Variants in ROBO2 observed in about 807,000 individuals in gnomAD.
ROBO2 encodes the protein roundabout homolog 2.
In ROBO2, 53 loss-of-function variants were observed where a neutral mutation model predicts 160.8. The ratio of observed to expected loss-of-function variants is 0.33; its 90% CI spans 0.26 to 0.41. ROBO2 has a LOEUF of 0.41. ROBO2 is among the 10% of genes least tolerant of loss of function. ROBO2 has a pLI of 1.00. For missense variants in ROBO2, 1,577 were observed against 1,722.4 expected (o/e 0.92, Z 1.49); for synonymous variants, 664 against 611.7 (o/e 1.09, Z -1.26).
chr3:77,088,984 A>G (rs2069740146), intron 1 of ROBO2, among the ~76,000 whole-genome samples: 1 of 152,188 alleles, frequency 6.6e-6, no homozygotes, highest in African/African-American at 2.4e-5. Flanking sequence ...TGATCATGCT[A>G]CAGAACAATG....
intron 2 of ROBO2, among the ~76,000 whole-genome samples, chr3:76,219,603 C>A (rs888324663): frequency 1.2e-4 from 18 of 152,124 alleles, no homozygotes; most frequent in Non-Finnish European, 2.5e-4. Context: ...CCATCAGAGA[C>A]ATGCAAATCA....
chr3:76,842,439 T>C (rs2148478635), intron 2 of ROBO2, among the ~76,000 whole-genome samples: 1 of 152,324 alleles, frequency 6.6e-6, no homozygotes, highest in East Asian at 1.9e-4. Flanking sequence ...ACCACTGTAG[T>C]GGAAAGACCA....
chr3:76,136,225 C>T (rs1293932435), intron 2 of ROBO2, among the ~76,000 whole-genome samples: 2 of 152,116 alleles, frequency 1.3e-5, no homozygotes, highest in African/African-American at 4.8e-5. Context: ...CATTCAAATA[C>T]TAGCTTCTCA....
chr3:77,252,818 A>AG (rs1295409285), intron 2 of ROBO2, among the ~76,000 whole-genome samples: 90 of 81,724 alleles, frequency 1.1e-3, no homozygotes, highest in Middle Eastern at 5.9e-3. Flanking sequence ...AAAAAAAAAA[A>AG]AAAAAAAAAA....
intron 2 of ROBO2, among the ~76,000 whole-genome samples, chr3:76,152,482 A>G (rs2072249129): frequency 6.6e-6 from 1 of 152,178 alleles, no homozygotes; most frequent in South Asian, 2.1e-4. Context: ...TTTTGTGAGT[A>G]TACATTTATT....
intron 2 of ROBO2, among the ~76,000 whole-genome samples, chr3:76,372,226 G>T (rs1427291349): frequency 1.3e-5 from 2 of 151,792 alleles, no homozygotes; most frequent in African/African-American, 2.4e-5. Context: ...TTGCATTAAA[G>T]AATCTTTATG....
At chr3:77,621,648 A>G (rs1418513303) in intron 22 of ROBO2, among the ~76,000 whole-genome samples, 5 of 152,126 alleles carry the variant, frequency 3.3e-5, no homozygotes, top group Non-Finnish European at 7.4e-5. Flanking sequence ...CTAGAGCACA[A>G]ATTAGTTGTG....
chr3:76,526,780 C>T (rs984148094), intron 2 of ROBO2, among the ~76,000 whole-genome samples: 1 of 151,944 alleles, frequency 6.6e-6, no homozygotes, highest in African/African-American at 2.4e-5. Context: ...TGATTAATGT[C>T]CTACATAAAT....
chr3:76,339,784 G>T (rs1366031891), intron 2 of ROBO2, among the ~76,000 whole-genome samples: 1 of 151,914 alleles, frequency 6.6e-6, no homozygotes, highest in Non-Finnish European at 1.5e-5. Context: ...GGTGTATATT[G>T]TTATTAATCG....
chr3:77,628,040 G>A (rs994805973), intron 23 of ROBO2, among the ~76,000 whole-genome samples: 9 of 152,142 alleles, frequency 5.9e-5, no homozygotes, highest in African/African-American at 2.2e-4. Context: ...AGTAACATCT[G>A]AGCAACAACT....
intron 14 of ROBO2, among the ~76,000 whole-genome samples, chr3:77,576,517 T>C (rs147400641): frequency 4.6e-5 from 7 of 152,232 alleles, no homozygotes; most frequent in Admixed American, 4.6e-4. Context: ...CCACCTTTGA[T>C]TTTAATTCAG....
intron 2 of ROBO2, among the ~76,000 whole-genome samples, chr3:75,983,210 T>C (rs1475016154): frequency 1.3e-5 from 2 of 151,442 alleles, no homozygotes; most frequent in Non-Finnish European, 3.0e-5. Context: ...TGACCTTGAG[T>C]CAAAAGCTTT....
chr3:76,602,838 G>A (rs1417006375), intron 2 of ROBO2, among the ~76,000 whole-genome samples: 1 of 152,138 alleles, frequency 6.6e-6, no homozygotes, highest in Admixed American at 6.5e-5. Context: ...GATTTGGGTG[G>A]GGACACAGCC....
At chr3:76,026,240 A>G (rs1187204682) in intron 2 of ROBO2, among the ~76,000 whole-genome samples, 1 of 151,886 alleles carries the variant, frequency 6.6e-6, no homozygotes, top group Non-Finnish European at 1.5e-5. Flanking sequence ...GGCTTATACA[A>G]TATTACTTTC....
chr3:77,056,308 G>A (rs559657669), intron 1 of ROBO2, among the ~76,000 whole-genome samples: 1 of 152,256 alleles, frequency 6.6e-6, no homozygotes, highest in East Asian at 1.9e-4. Flanking sequence ...TGTTAAGGGA[G>A]GCAGTATTTA....
intron 1 of ROBO2, among the ~76,000 whole-genome samples, chr3:77,088,169 G>T (rs968269249): frequency 6.6e-6 from 1 of 152,062 alleles, no homozygotes; most frequent in African/African-American, 2.4e-5. Flanking sequence ...AGGGGAAAAA[G>T]TGTTCTAATT....
chr3:76,457,013 C>T (rs1399783409), intron 2 of ROBO2, among the ~76,000 whole-genome samples: 2 of 152,140 alleles, frequency 1.3e-5, no homozygotes, highest in Non-Finnish European at 2.9e-5. Context: ...CTGGGACATA[C>T]AATTCAAGAT....
intron 2 of ROBO2, among the ~76,000 whole-genome samples, chr3:77,336,282 A>G (rs1163162101): frequency 1.3e-5 from 2 of 152,204 alleles, no homozygotes; most frequent in African/African-American, 4.8e-5. Context: ...ATAGTCAGAC[A>G]GAAGGCAGAG....
intron 2 of ROBO2, among the ~76,000 whole-genome samples, chr3:76,027,701 A>G (rs1196340074): frequency 6.6e-6 from 1 of 151,980 alleles, no homozygotes; most frequent in African/African-American, 2.4e-5. Context: ...GAGAGATTTA[A>G]ATATTATTCC....
Sources: gnomAD v4.1 joint callset for allele counts (sites outside exome capture counted in the v4.1 genomes callset) on GRCh38, gnomAD v4.1.1 for gene constraint, MANE v1.5 for transcripts, NCBI Gene and HGNC (gene_info 2026-07-23, HGNC 2026-07-21) for gene names.